Variants in OSTN observed in about 807,000 individuals in gnomAD.
OSTN encodes the protein osteocrin.
OSTN carries 9 observed loss-of-function variants against 12.0 expected under a neutral mutation model. The observed-to-expected ratio is 0.75, with a 90% CI of 0.45 to 1.30. The LOEUF (loss-of-function observed/expected upper bound fraction) is 1.30. OSTN is among the 50% of genes most tolerant of loss of function. The pLI is 0.00. For synonymous variants in OSTN, 59 were observed against 56.9 expected (o/e 1.04, Z -0.16); for missense variants, 148 against 152.3 (o/e 0.97, Z 0.15).
intron 1 of OSTN, among the ~76,000 whole-genome samples, 170 bp from the exon 2 acceptor site, chr3:191,212,363 T>G (rs1482124193): frequency 6.6e-6 from 1 of 152,212 alleles, no homozygotes; most frequent in African/African-American, 2.4e-5. Flanking sequence ...TTCTGGGAGA[T>G]GGACAGCTTC....
intron 3 of OSTN, among the ~76,000 whole-genome samples, chr3:191,241,450 C>T (rs1169208124): frequency 6.6e-6 from 1 of 151,886 alleles, no homozygotes; most frequent in Admixed American, 6.6e-5. Flanking sequence ...TCCCAAAGCG[C>T]TGGGATTACA....
At chr3:191,241,953 A>G (rs751925972) in intron 3 of OSTN, among the ~76,000 whole-genome samples, 2 of 152,228 alleles carry the variant, frequency 1.3e-5, no homozygotes, top group Non-Finnish European at 2.9e-5. Flanking sequence ...CTCATTAATG[A>G]CTACAGATAG....
chr3:191,238,535 C>G (rs1487534140), intron 3 of OSTN, among the ~76,000 whole-genome samples: 1 of 152,118 alleles, frequency 6.6e-6, no homozygotes, highest in African/African-American at 2.4e-5. Context: ...GTAGAGGAAA[C>G]GAGGCTGTGA....
chr3:191,208,765 T>C (rs892472792), intron 1 of OSTN, among the ~76,000 whole-genome samples: 5 of 152,230 alleles, frequency 3.3e-5, no homozygotes, highest in Non-Finnish European at 5.9e-5. Flanking sequence ...TTTGGGCAAT[T>C]TTCACATTTG....
At chr3:191,223,915 A>G (rs567185760) in intron 3 of OSTN, among the ~76,000 whole-genome samples, 12 of 152,276 alleles carry the variant, frequency 7.9e-5, no homozygotes, top group African/African-American at 2.9e-4. Flanking sequence ...AGGAAAATAA[A>G]ATACTTTTCT....
chr3:191,261,119 C>A (rs1027945104), intron 4 of OSTN, among the ~76,000 whole-genome samples: 4 of 152,070 alleles, frequency 2.6e-5, no homozygotes, highest in African/African-American at 9.7e-5. Flanking sequence ...TGACTTCCAG[C>A]GGGGTGAAAT....
chr3:191,234,478 C>T (rs977060540), intron 3 of OSTN: 4 of 152,192 alleles, frequency 2.6e-5, no homozygotes, highest in African/African-American at 7.3e-5. Flanking sequence ...AGGTGGATCG[C>T]CTGAGGGTAG....
chr3:191,241,533 G>A (rs1220469500), intron 3 of OSTN, among the ~76,000 whole-genome samples: 3 of 152,096 alleles, frequency 2.0e-5, no homozygotes, highest in African/African-American at 7.2e-5. Flanking sequence ...GCCCCTTTAA[G>A]TTGTAGTAGT....
intron 3 of OSTN, among the ~76,000 whole-genome samples, chr3:191,239,258 TGAGGGGTTTTAAATACCCTCTA>T (rs1336204006): frequency 6.6e-6 from 1 of 152,270 alleles, no homozygotes; most frequent in Non-Finnish European, 1.5e-5. Flanking sequence ...TATGGAATTT[TGAGGGGTTTTAAATACCCTCTA>T]GAGGATTCCA....
chr3:191,234,768 C>T lies in OSTN; in HGVS notation c.318-15269C>T, dbSNP rs753205080. On this transcript the variant is annotated intron_variant, in intron 3 of 4. Transcript: ENST00000682035. ...TGACTTTTCTTCAGGAGCATACTCC[C>T]GGGAAGAGGTCTTGCAAGGAGTGGC... 4.6e-5 allele frequency among the ~76,000 whole-genome samples: 7 copies of T among 151,866 alleles called. No homozygotes were observed. In the East Asian group the frequency reaches 7.7e-4, roughly 17 times the overall value.
rs1033656640 is a variant in OSTN, at chr3:191,223,821, T to C, written c.317+4860T>C. On this transcript the variant is annotated intron_variant, in intron 3 of 4. Coordinates refer to ENST00000682035, the MANE Select transcript of OSTN (RefSeq NM_198184.2). ...AAACTCATATGTAAGTTTTAAAATA[T>C]GATTTAAAAATCTATTATATCAATA... Among the ~76,000 whole-genome samples the C allele has an allele frequency of 3.9e-5, 6 of 152,242 alleles. No homozygotes were observed. The South Asian group carries it at 1.0e-3, about 26-fold the overall frequency.
intron 4 of OSTN, among the ~76,000 whole-genome samples, chr3:191,259,403 A>T (rs1485960288): frequency 1.3e-5 from 2 of 151,882 alleles, no homozygotes; most frequent in South Asian, 2.1e-4. Context: ...GGGTTTCACC[A>T]TATTGACCAG....
intron 3 of OSTN, among the ~76,000 whole-genome samples, chr3:191,232,147 G>A (rs957235596): frequency 6.6e-5 from 10 of 151,428 alleles, no homozygotes; most frequent in African/African-American, 7.3e-5. Flanking sequence ...CCTGGCCAAC[G>A]TGGTGAAATC....
intron 4 of OSTN, among the ~76,000 whole-genome samples, chr3:191,255,041 T>C (rs1231825442): frequency 6.6e-6 from 1 of 152,192 alleles, no homozygotes; most frequent in Non-Finnish European, 1.5e-5. Flanking sequence ...ACTGGTTTCC[T>C]GGAAGACAAT....
At chr3:191,217,893 T>C (rs184547859) in intron 2 of OSTN, among the ~76,000 whole-genome samples, 81 of 151,546 alleles carry the variant, frequency 5.3e-4, no homozygotes, top group African/African-American at 1.8e-3. Context: ...TAGTAAATGA[T>C]GAATGAATGG....
intron 1 of OSTN, among the ~76,000 whole-genome samples, chr3:191,199,538 C>A (rs1015777391): frequency 6.6e-6 from 1 of 151,688 alleles, no homozygotes; most frequent in African/African-American, 2.4e-5. Context: ...CTTTTCTCTT[C>A]CATTTCAAAA....
intron 2 of OSTN, among the ~76,000 whole-genome samples, chr3:191,218,365 C>T (rs1193056229): frequency 1.3e-5 from 2 of 152,140 alleles, no homozygotes; most frequent in Non-Finnish European, 2.9e-5. Flanking sequence ...CTCACACCTG[C>T]AATCACAGCA....
intron 4 of OSTN, among the ~76,000 whole-genome samples, chr3:191,254,426 A>G (rs60025797): frequency 0.26 from 39,383 of 152,154 alleles, 5,788 homozygotes; most frequent in East Asian, 0.41. Flanking sequence ...CAAAATTTAA[A>G]TTGTCTAACT....
At chr3:191,210,976 A>G (rs189647571) in intron 1 of OSTN, among the ~76,000 whole-genome samples, 328 of 152,348 alleles carry the variant, frequency 2.2e-3, no homozygotes, top group African/African-American at 7.8e-3. Flanking sequence ...GTGGCTTTTT[A>G]ATCTAAAACG....
Sources: gnomAD v4.1 joint callset for allele counts (sites outside exome capture counted in the v4.1 genomes callset) on GRCh38, gnomAD v4.1.1 for gene constraint, MANE v1.5 for transcripts, NCBI Gene and HGNC (gene_info 2026-07-23, HGNC 2026-07-21) for gene names.